The following CSGALNACT1 variants were observed in gnomAD, a reference collection of about 807,000 sequenced individuals.
CSGALNACT1 encodes the protein chondroitin sulfate N-acetylgalactosaminyltransferase 1, also known as beta4GalNAcT-1.
A neutral mutation model predicts 51.0 loss-of-function variants in CSGALNACT1; 52 were observed. The observed-to-expected ratio is 1.02, with a 90% CI of 0.82 to 1.29. CSGALNACT1 has a LOEUF of 1.29. CSGALNACT1 is among the 50% of genes most tolerant of loss of function. The probability of loss-of-function intolerance (pLI) is 0.00; values close to 1 mark genes in which losing one functional copy is unlikely to be tolerated. For missense variants in CSGALNACT1, 935 were observed against 679.2 expected, an observed-to-expected ratio of 1.38 and a Z score of -4.19; for synonymous variants, 341 against 254.4, an observed-to-expected ratio of 1.34 and a Z score of -3.24.
chr8:19,474,656 G>A (rs909321804), intron 4 of CSGALNACT1, among the ~76,000 whole-genome samples: 2 of 151,730 alleles, frequency 1.3e-5, no homozygotes, highest in Admixed American at 6.6e-5. Context: ...ATCAATTGAG[G>A]TCGGGAGTTC....
intron 1 of CSGALNACT1, among the ~76,000 whole-genome samples, chr8:19,706,344 C>G (rs2062162772): frequency 1.3e-5 from 2 of 152,184 alleles, no homozygotes; most frequent in African/African-American, 4.8e-5. Flanking sequence ...AGAGAATTTC[C>G]TCCACATCCT....
chr8:19,439,401 A>G (rs966902016), intron 6 of CSGALNACT1, among the ~76,000 whole-genome samples: 1 of 152,236 alleles, frequency 6.6e-6, no homozygotes, highest in Non-Finnish European at 1.5e-5. Context: ...TGCTAAGTGG[A>G]TGAGATCTGA....
At chr8:19,730,409 T>C (rs1308110122) in intron 1 of CSGALNACT1, among the ~76,000 whole-genome samples, 1 of 152,356 alleles carries the variant, frequency 6.6e-6, no homozygotes, top group East Asian at 1.9e-4. Context: ...AAATTGCTTA[T>C]GCTAGGTGAC....
At chr8:19,623,219 T>C (rs1453901305) in intron 1 of CSGALNACT1, among the ~76,000 whole-genome samples, 3 of 152,194 alleles carry the variant, frequency 2.0e-5, no homozygotes, top group Non-Finnish European at 4.4e-5. Context: ...GATATAGCAA[T>C]TCTAAAGCTG....
intron 4 of CSGALNACT1, among the ~76,000 whole-genome samples, chr8:19,487,548 G>C (rs1167264448): frequency 1.3e-5 from 2 of 152,102 alleles, no homozygotes; most frequent in East Asian, 1.9e-4. Flanking sequence ...AAGTCAATAA[G>C]AAAAATGGAT....
At chr8:19,617,883 C>T (rs1033459802) in intron 1 of CSGALNACT1, among the ~76,000 whole-genome samples, 5 of 151,914 alleles carry the variant, frequency 3.3e-5, no homozygotes, top group African/African-American at 9.7e-5. Context: ...TTCCTATATG[C>T]TTTTTTATTT....
chr8:19,480,391 T>G (rs1350343567), intron 4 of CSGALNACT1, among the ~76,000 whole-genome samples: 1 of 152,204 alleles, frequency 6.6e-6, no homozygotes, highest in African/African-American at 2.4e-5. Flanking sequence ...TGCATTAGTT[T>G]GCTTAGAGCT....
At chr8:19,449,055 G>T (rs2062627510) in intron 5 of CSGALNACT1, among the ~76,000 whole-genome samples, 2 of 152,112 alleles carry the variant, frequency 1.3e-5, no homozygotes, top group Admixed American at 1.3e-4. Flanking sequence ...CATCATTTGA[G>T]TAGTCTGATC....
chr8:19,671,937 G>A lies in CSGALNACT1; in HGVS notation c.-544+10536C>T, dbSNP rs183052159. On this transcript the variant is annotated intron_variant, in intron 1 of 9. Coordinates refer to the CSGALNACT1 transcript ENST00000332246. Reference sequence around the variant, plus strand: ...TCCATCTCATGAATGTACCACATATGCACCATAATTAACTGTTCTACTCAT... The same window carrying A: ...TCCATCTCATGAATGTACCACATATACACCATAATTAACTGTTCTACTCAT... Among the ~76,000 whole-genome samples, 15 of 152,198 alleles carry A rather than the reference G, an allele frequency of 9.9e-5. No individual in the cohort carries two copies. In the East Asian group the frequency reaches 2.5e-3, roughly 25 times the overall value.
At chr8:19,440,122 G>C (rs554239091) in intron 5 of CSGALNACT1, among the ~76,000 whole-genome samples, 191 bp from the exon 5 acceptor site, 3 of 152,080 alleles carry the variant, frequency 2.0e-5, no homozygotes, top group South Asian at 2.1e-4. Context: ...TCATCTTATC[G>C]GGACAACAAG....
At chr8:19,733,587 A>C (rs2063803416) in intron 1 of CSGALNACT1, among the ~76,000 whole-genome samples, 1 of 152,170 alleles carries the variant, frequency 6.6e-6, no homozygotes. Context: ...CAGAATTTTA[A>C]TCAGAGGGTA....
chr8:19,449,420 G>A (rs930627101), intron 5 of CSGALNACT1, among the ~76,000 whole-genome samples: 10 of 152,088 alleles, frequency 6.6e-5, no homozygotes, highest in Non-Finnish European at 2.9e-5. Context: ...TTCCTGTTGG[G>A]GAACACAAAG....
intron 1 of CSGALNACT1, among the ~76,000 whole-genome samples, chr8:19,662,058 GCCCCCACCCCCCCCCACCCCCCCC>G (rs2058787176): frequency 2.9e-5 from 1 of 33,926 alleles, no homozygotes; most frequent in Non-Finnish European, 6.3e-5. Context: ...TATTACAGTT[GCCCCCACCCCCCCCCACCCCCCCC>G]CCCCCCCGCA....
chr8:19,753,875 C>T (rs1436486137), intron 1 of CSGALNACT1, among the ~76,000 whole-genome samples: 1 of 152,136 alleles, frequency 6.6e-6, no homozygotes, highest in African/African-American at 2.4e-5. Context: ...AATAAAAACA[C>T]CTTGGAGTTG....
chr8:19,703,840 T>G (rs1489325227), intron 1 of CSGALNACT1, among the ~76,000 whole-genome samples: 1 of 152,248 alleles, frequency 6.6e-6, no homozygotes, highest in Non-Finnish European at 1.5e-5. Context: ...TACGTTACAA[T>G]TAACAGTGTT....
chr8:19,619,433 G>A lies in CSGALNACT1; in HGVS notation c.-543-17568C>T, dbSNP rs114442414. Among the ~76,000 whole-genome samples, 321 of 152,142 alleles carry A rather than the reference G, an allele frequency of 2.1e-3. 1 individual carries two copies. The highest frequency in any genetic ancestry group is 7.5e-3 in the African/African-American group (311 of 41,516). ...GCCATGTCCTAAGTGCAATGGAGTC[G>A]CAAAGACCTTATTTGTGACATAGTT... On this transcript the variant is annotated intron_variant, in intron 1 of 9. Coordinates refer to the CSGALNACT1 transcript ENST00000332246.
chr8:19,638,768 T>G (rs1725896423), intron 1 of CSGALNACT1, among the ~76,000 whole-genome samples: 4 of 152,070 alleles, frequency 2.6e-5, no homozygotes, highest in African/African-American at 9.7e-5. Context: ...TCAATTCATT[T>G]GCTCCCCACC....
At chr8:19,731,310 C>A (rs2063680655) in intron 1 of CSGALNACT1, among the ~76,000 whole-genome samples, 1 of 152,084 alleles carries the variant, frequency 6.6e-6, no homozygotes, top group South Asian at 2.1e-4. Context: ...GAGTTCGAGG[C>A]CAGCCTGGCC....
intron 3 of CSGALNACT1, among the ~76,000 whole-genome samples, chr8:19,568,239 A>G (rs1165854758): frequency 6.6e-6 from 1 of 152,220 alleles, no homozygotes; most frequent in African/African-American, 2.4e-5. Context: ...CACCTAGGCT[A>G]TATGGTATAG....
Sources: gnomAD v4.1 joint callset for allele counts (sites outside exome capture counted in the v4.1 genomes callset) on GRCh38, gnomAD v4.1.1 for gene constraint, MANE v1.5 for transcripts, NCBI Gene and HGNC (gene_info 2026-07-23, HGNC 2026-07-21) for gene names.